KLHL35: variants seen among roughly 807,000 people sequenced by gnomAD.
KLHL35 encodes kelch like family member 35.
Under a neutral mutation model 44.0 loss-of-function variants are expected in KLHL35, and 50 were observed. The ratio of observed to expected loss-of-function variants is 1.14; its 90% CI spans 0.91 to 1.44. The LOEUF (loss-of-function observed/expected upper bound fraction) is 1.44. Among genes scored for constraint, KLHL35 ranks in the 40% most tolerant of loss-of-function variants. The pLI, the probability that KLHL35 is intolerant of heterozygous loss-of-function variation, is 0.00. For synonymous variants in KLHL35, 470 were observed against 410.4 expected (o/e 1.15, Z -1.76); for missense variants, 1,049 against 887.8 (o/e 1.18, Z -2.31).
In KLHL35 at chr11:75,425,424, C is replaced by A. The variant is rs773369853; in HGVS notation, c.1343G>T (p.Gly448Val). Residue 448 changes from glycine to valine, a missense_variant, in exon 5 of 7, where the codon GGC becomes GTC. Coordinates refer to ENST00000539798, the MANE Select transcript of KLHL35 (RefSeq NM_001039548.3). ...CGTGTTGACGCCGCCCTGCCTGGCG[C>A]CCCCAATCACGAAGAGCTTGCCCGC... Reference protein sequence around the residue: ...SCAGKLFVIGGARQGGVNTDK... With the variant: ...SCAGKLFVIGVARQGGVNTDK... 10 of 1,566,212 alleles carry A rather than the reference C, an allele frequency of 6.4e-6. No individual in the cohort carries two copies. Among genetic ancestry groups the A allele is most frequent in the Non-Finnish European group, 8.6e-6 (10 of 1,163,092 alleles).
chr11:75,429,688 A>G, intron 2 of KLHL35, 61 bp downstream of exon 2: 4 of 1,391,234 alleles, frequency 2.9e-6, no homozygotes, highest in African/African-American at 1.5e-5. Flanking sequence ...GAAAGAATGA[A>G]TGAGCGGTGG....
In KLHL35 at chr11:75,430,475, A is replaced by G. The variant is rs1295925512; in HGVS notation, c.155T>C (p.Phe52Ser). 5 of 1,401,394 alleles carry G rather than the reference A, an allele frequency of 3.6e-6. No homozygotes were observed. Among genetic ancestry groups the G allele is most frequent in the Admixed American group, 6.3e-5 (2 of 31,966 alleles). The allele number at this position is 1,401,394 out of a possible 1,614,324, so 86.8% of individuals were successfully genotyped here. A position where few individuals can be genotyped will look rare whatever the true frequency, so the allele number is the denominator to read the frequency against. The change falls in exon 2 of 7, where the codon TTT becomes TCT. Residue 52 changes from phenylalanine to serine, a missense_variant. Phe to Ser is a radical substitution (Grantham distance 155). Transcript: ENST00000539798. ...GCTGAGCGCCGCGCGGTGGCACGGA[A>G]AGTCGCGCCCGCCGGCGCGCAGCAC... ...DVVLRAGGRD[F>S]PCHRAALSAG...
Position 75,430,358 on chromosome 11 carries a change from G to C in KLHL35, c.272C>G (p.Ala91Gly). ...VVPVVPVAPE[A>G]PGTSPAGAAA... The stretch of plus-strand genomic sequence containing the variant: ...CGCCCCGGCCGGGCTCGTGCCTGGC[G>C]CCTCGGGAGCTACTGGCACCACTGG... Residue 91 changes from alanine (A) to glycine (G), a missense_variant, in exon 2 of 7, where the codon GCG becomes GGG. Ala to Gly is a moderately conservative substitution (Grantham distance 60). Coordinates refer to ENST00000539798, the MANE Select transcript of KLHL35 (RefSeq NM_001039548.3). 7.5e-7 allele frequency: 1 copy of C among 1,325,522 alleles called. No individual in the cohort carries two copies. The highest frequency in any genetic ancestry group is 9.7e-7 in the Non-Finnish European group (1 of 1,036,104). 82.1% of individuals were successfully genotyped at this position (1,325,522 alleles called of 1,614,324 possible).
At chr11:75,428,681 C>CT in intron 2 of KLHL35, 55 bp from the exon 3 acceptor site, 1 of 1,470,540 alleles carries the variant, frequency 6.8e-7, no homozygotes, top group Middle Eastern at 1.8e-4. Context: ...TCGGCCCTCT[C>CT]TTACCCTCTC....
chr11:75,422,790 C>A (rs756486705), intron 6 of KLHL35, 22 bp from the exon 7 acceptor site: 13 of 1,604,278 alleles, frequency 8.1e-6, no homozygotes, highest in Non-Finnish European at 1.0e-5. Context: ...AACAGAAAGA[C>A]AACTATCAGG....
chr11:75,425,995 G>A (rs1295727434), intron 4 of KLHL35: 1 of 153,520 alleles, frequency 6.5e-6, no homozygotes, highest in Non-Finnish European at 1.4e-5. Context: ...TCGCTCTGTT[G>A]CCCAGGCTGG....
chr11:75,425,180 A>T (rs1948478936), intron 5 of KLHL35, among the ~76,000 whole-genome samples: 1 of 152,222 alleles, frequency 6.6e-6, no homozygotes, highest in Non-Finnish European at 1.5e-5. Context: ...CAGCCCAAAC[A>T]TTTGAGTCCC....
chr11:75,426,509 C>T lies in KLHL35; in HGVS notation c.1185+11G>A, dbSNP rs781282787. 1.3e-5 allele frequency: 20 copies of T among 1,556,736 alleles called. 1 individual carries two copies. In the South Asian group the frequency reaches 2.3e-4, roughly 18 times the overall value. ...TTGTGTCCCAGGGCAGCCGCTGCAG[C>T]TCGTGCCTACCTGCCCCTGCACAAC... On this transcript the variant is annotated intron_variant, in intron 4 of 6. Coordinates refer to ENST00000539798, the MANE Select transcript of KLHL35 (RefSeq NM_001039548.3).
At position 75,429,943 on chromosome 11, in the gene KLHL35, C is replaced by T. The variant is rs1195812867; in HGVS notation, c.687G>A (p.Pro229=). The T allele has an allele frequency of 6.9e-7, 1 of 1,455,614 alleles. No individual in the cohort carries two copies. Among genetic ancestry groups the T allele is most frequent in the South Asian group, 1.3e-5 (1 of 74,566 alleles). The allele number at this position is 1,455,614 out of a possible 1,614,324, so 90.2% of individuals were successfully genotyped here. Residue 229 remains proline, a synonymous_variant, in exon 2 of 7, where the codon CCG becomes CCA. Transcript: ENST00000539798. ...GGCGTCGCAGCTGGCCGCGGCGGGC[C>T]GGCGCGTCGTGGCGCACCCAGCGCA... The part of the protein sequence containing the change: ...AAMRWVRHDA[P]ARRGQLRRLL...
intron 6 of KLHL35, chr11:75,423,173 A>G: frequency 4.8e-6 from 1 of 210,122 alleles, no homozygotes; most frequent in Non-Finnish European, 9.7e-6. Flanking sequence ...CTCACCTCTA[A>G]GGTCACCAAA....
intron 5 of KLHL35, chr11:75,424,317 G>C (rs1215091717): frequency 6.0e-6 from 1 of 166,640 alleles, no homozygotes; most frequent in Non-Finnish European, 1.3e-5. Flanking sequence ...TAGGGTTATA[G>C]AGGGTCCTCA....
At chr11:75,428,243 A>G (rs1053534228) in intron 3 of KLHL35, among the ~76,000 whole-genome samples, 199 bp downstream of exon 3, 5 of 152,266 alleles carry the variant, frequency 3.3e-5, no homozygotes, top group Non-Finnish European at 7.3e-5. Flanking sequence ...ACAAAAAGTA[A>G]TCATATGTAT....
rs1183431889 is a variant in KLHL35 at position 75,422,665 on chromosome 11, C to T, written c.1667G>A (p.Ser556Asn). 26 of 1,613,934 alleles carry T rather than the reference C, an allele frequency of 1.6e-5. No homozygotes were observed. Among genetic ancestry groups the T allele is most frequent in the Admixed American group, 3.3e-5 (2 of 60,012 alleles). The part of the protein sequence containing the change: ...TDKVFTFDPS[S>N]GQVEVQPSLQ... Reference sequence around the variant, plus strand: ...GGATGGCTGGACCTCCACCTGCCCACTGCTGGGGTCAAAGGTGAAGACCTT... The same window carrying T: ...GGATGGCTGGACCTCCACCTGCCCATTGCTGGGGTCAAAGGTGAAGACCTT... The change falls in exon 7 of 7, where the codon AGT (serine) becomes AAT (asparagine). Residue 556 changes from serine to asparagine, a missense_variant. Transcript: ENST00000539798.
At chr11:75,424,437 TA>T (rs1369057276) in intron 5 of KLHL35, 1 of 153,162 alleles carries the variant, frequency 6.5e-6, no homozygotes, top group African/African-American at 2.4e-5. Context: ...CTTGCAGCCC[TA>T]TTTCTACAGC....
Position 75,425,573 on chromosome 11 carries a change from C to G in KLHL35, c.1194G>C (p.Ala398=). ...KMAVVQGQLF[A]VGGFDGLRRL... ...GCCTCAGGCCGTCGAAGCCACCCAC[C>G]GCGAACAGCTGCAAGTGAGGACATG... Residue 398 remains alanine (A), a synonymous_variant, in exon 5 of 7, where the codon GCG becomes GCC. Coordinates refer to ENST00000539798, the MANE Select transcript of KLHL35 (RefSeq NM_001039548.3). The G allele has an allele frequency of 4.7e-6, 7 of 1,479,424 alleles. No homozygotes were observed. The highest frequency in any genetic ancestry group is 6.2e-6 in the Non-Finnish European group (7 of 1,121,912). 91.6% of individuals were successfully genotyped at this position (1,479,424 alleles called of 1,614,324 possible).
Position 75,429,798 on chromosome 11 carries a change from A to G in KLHL35, c.832T>C (p.Cys278Arg). ...CCGGCCTCGCGGCCCAGGATGAAGC[A>G]GGCGCGAGCCTCGAGCAGCAGCGGG... is the stretch of plus-strand genomic sequence containing the variant. Reference protein sequence around the residue: ...CRPLLLEARACFILGREAGAL... With the variant: ...CRPLLLEARARFILGREAGAL... Residue 278 changes from cysteine to arginine, a missense_variant, in exon 2 of 7, where the codon TGC (cysteine) becomes CGC (arginine). By Grantham distance (180) the Cys-to-Arg change is radical (BLOSUM62 -3). Transcript: ENST00000539798. 1 of 1,512,138 alleles carries G rather than the reference A, an allele frequency of 6.6e-7. No homozygotes were observed. The highest frequency in any genetic ancestry group is 8.8e-7 in the Non-Finnish European group (1 of 1,137,048). 93.7% of individuals were successfully genotyped at this position (1,512,138 alleles called of 1,614,324 possible).
chr11:75,427,184 G>A (rs1206591520), intron 3 of KLHL35, among the ~76,000 whole-genome samples: 1 of 152,200 alleles, frequency 6.6e-6, no homozygotes. Context: ...ATGAGACTTA[G>A]AGACCAACAA....
intron 6 of KLHL35, chr11:75,423,398 GGA>G: frequency 2.7e-6 from 1 of 374,990 alleles, no homozygotes; most frequent in East Asian, 4.8e-5. Context: ...CTTCGGGGCA[GGA>G]GAGACCACAG....
At chr11:75,428,921 A>G (rs140018243) in intron 2 of KLHL35, among the ~76,000 whole-genome samples, 87 of 152,328 alleles carry the variant, frequency 5.7e-4, no homozygotes, top group African/African-American at 2.0e-3. Flanking sequence ...TTTAATCTGT[A>G]TGGCAGTTCT....
Sources: allele counts gnomAD v4.1 joint callset (sites outside exome capture counted in the v4.1 genomes callset), GRCh38; gene constraint gnomAD v4.1.1; transcripts MANE v1.5; gene names NCBI Gene and HGNC (gene_info 2026-07-23, HGNC 2026-07-21).